Variants in ARHGAP12 observed in about 807,000 individuals in gnomAD.
ARHGAP12 encodes the protein rho GTPase-activating protein 12.
In ARHGAP12, 64 loss-of-function variants were observed where a neutral mutation model predicts 108.6. The observed-to-expected ratio is 0.59, with a 90% CI of 0.48 to 0.73. The LOEUF is 0.73. ARHGAP12 is among the 30% of genes least tolerant of loss of function. ARHGAP12 has a pLI of 0.00. For synonymous variants in ARHGAP12, 312 were observed against 337.2 expected (o/e 0.93, Z 0.82); for missense variants, 940 against 1,005.9 (o/e 0.93, Z 0.89).
chr10:31,832,920 T>C (rs1835885293), intron 9 of ARHGAP12, among the ~76,000 whole-genome samples: 1 of 152,188 alleles, frequency 6.6e-6, no homozygotes, highest in Admixed American at 6.5e-5. Flanking sequence ...ATAGCCCATA[T>C]GAAGTTTTAT....
intron 3 of ARHGAP12, among the ~76,000 whole-genome samples, chr10:31,889,715 C>A (rs534602327): frequency 6.9e-6 from 1 of 143,902 alleles, no homozygotes; most frequent in Non-Finnish European, 1.5e-5. Context: ...CAACCTTTGC[C>A]TCCTGGGTTC....
At chr10:31,826,194 G>C in intron 11 of ARHGAP12, 110 bp downstream of exon 11, 1 of 723,506 alleles carries the variant, frequency 1.4e-6, no homozygotes, top group Non-Finnish European at 2.2e-6. Context: ...ATTTTTATTT[G>C]CACACTAGCT....
chr10:31,814,226 A>C, intron 14 of ARHGAP12, 33 bp downstream of exon 14: 4 of 1,546,452 alleles, frequency 2.6e-6, no homozygotes, highest in Non-Finnish European at 3.6e-6. Context: ...AACAAGCACA[A>C]ATCCTTAGCA....
At chr10:31,811,864 T>C (rs1186678292) in intron 15 of ARHGAP12, among the ~76,000 whole-genome samples, 1 of 152,008 alleles carries the variant, frequency 6.6e-6, no homozygotes. Context: ...TCTCTCTATG[T>C]TACCCAATCT....
In ARHGAP12 at chr10:31,908,584, G is replaced by C; in HGVS notation, c.272C>G (p.Ser91Cys). Residue 91 changes from serine to cysteine, a missense_variant, in exon 3 of 20, where the codon TCC becomes TGC. Coordinates refer to ENST00000344936, the MANE Select transcript of ARHGAP12 (RefSeq NM_018287.7). ...ATGCAAACTCTGCATTATTTTCGTG[G>C]AGTTATTTGGCAGACCAGCTACCTG... ...VKQVAGLPNN[S>C]TKIMQSLHLQ... The C allele has an allele frequency of 6.2e-7, 1 of 1,614,076 alleles. No homozygotes were observed. The highest frequency in any genetic ancestry group is 8.5e-7 in the Non-Finnish European group (1 of 1,180,014).
At chr10:31,928,458 C>G (rs1219271569) in intron 1 of ARHGAP12, among the ~76,000 whole-genome samples, 1 of 150,770 alleles carries the variant, frequency 6.6e-6, no homozygotes, top group Non-Finnish European at 1.5e-5. Context: ...GCGCCGGCCC[C>G]CTCCCCCTCG....
intron 6 of ARHGAP12, 53 bp downstream of exon 6, chr10:31,852,464 A>G: frequency 3.1e-6 from 4 of 1,289,868 alleles, no homozygotes; most frequent in Non-Finnish European, 3.4e-6. Context: ...CCATCTCCAG[A>G]TATTACTTCA....
chr10:31,910,169 G>C (rs2132461792), intron 2 of ARHGAP12, among the ~76,000 whole-genome samples: 1 of 152,264 alleles, frequency 6.6e-6, no homozygotes, highest in Admixed American at 6.5e-5. Flanking sequence ...TGCTGTTTAA[G>C]CACTCCAGTT....
intron 13 of ARHGAP12, among the ~76,000 whole-genome samples, chr10:31,814,992 C>T (rs554119674): frequency 4.6e-5 from 7 of 151,574 alleles, no homozygotes; most frequent in Admixed American, 2.0e-4. Context: ...TGGTGGCACA[C>T]GCCTGTAGTC....
intron 3 of ARHGAP12, among the ~76,000 whole-genome samples, chr10:31,894,523 T>C (rs1388990747): frequency 6.6e-6 from 1 of 152,066 alleles, no homozygotes; most frequent in African/African-American, 2.4e-5. Flanking sequence ...ATAAAATACC[T>C]AGGAATCCAA....
rs139229744 is a variant in ARHGAP12, at chr10:31,915,015, T to C, written c.-110-4452A>G. Among the ~76,000 whole-genome samples the C allele has an allele frequency of 2.0e-5, 3 of 152,256 alleles. No homozygotes were observed. The East Asian group carries it at 5.8e-4, about 29-fold the overall frequency. On this transcript the variant is annotated intron_variant, in intron 1 of 19. Transcript: ENST00000344936. ...ATGAATGAACCCAGTGGACGTTACG[T>C]TGAATGAAATAAGCTAGGCACAGAA... is the stretch of plus-strand genomic sequence containing the variant.
chr10:31,901,053 C>T (rs1404909717), intron 3 of ARHGAP12, among the ~76,000 whole-genome samples: 1 of 151,254 alleles, frequency 6.6e-6, no homozygotes, highest in Admixed American at 6.6e-5. Context: ...CCCGTCTCTA[C>T]TAAAAATACA....
At position 31,890,484 on chromosome 10, in the gene ARHGAP12, C is replaced by T. The variant is rs374930611; in HGVS notation, c.684+17688G>A. On this transcript the variant is annotated intron_variant, in intron 3 of 19. Transcript: ENST00000344936. ...CTAAAAGAAGACTGAGCCCCTAAAT[C>T]GCCTAAGATTCCTAACTTTAGACAT... Among the ~76,000 whole-genome samples the T allele has an allele frequency of 2.1e-4, 32 of 152,254 alleles. No homozygotes were observed. The East Asian group carries it at 2.7e-3, about 13-fold the overall frequency.
chr10:31,826,406 G>A (rs745836106), intron 10 of ARHGAP12, 21 bp from the exon 11 acceptor site: 35 of 1,588,742 alleles, frequency 2.2e-5, no homozygotes, highest in Non-Finnish European at 2.3e-5. Flanking sequence ...AAAGATGACC[G>A]ATTAAAGCTC....
intron 11 of ARHGAP12, among the ~76,000 whole-genome samples, chr10:31,823,492 C>G (rs575690646): frequency 2.0e-5 from 3 of 149,052 alleles, no homozygotes; most frequent in Non-Finnish European, 4.4e-5. Flanking sequence ...AAAAAAAAAT[C>G]AATACGAACC....
At chr10:31,889,644 T>G (rs112866505) in intron 3 of ARHGAP12, among the ~76,000 whole-genome samples, 90 of 125,966 alleles carry the variant, frequency 7.1e-4, no homozygotes, top group African/African-American at 2.9e-3. Context: ...TTTTTTTTTT[T>G]GAGACAGGAT....
chr10:31,878,287 T>C (rs771650914), intron 3 of ARHGAP12, among the ~76,000 whole-genome samples: 1 of 152,206 alleles, frequency 6.6e-6, no homozygotes, highest in Non-Finnish European at 1.5e-5. Context: ...GTAATCATAA[T>C]ACAATCATAA....
At chr10:31,811,665 T>TTTTAATTTTATTTTA (rs1554773368) in intron 15 of ARHGAP12, among the ~76,000 whole-genome samples, 19 of 150,046 alleles carry the variant, frequency 1.3e-4, no homozygotes, top group African/African-American at 4.7e-4. Context: ...TTAAATACCT[T>TTTTAATTTTATTTTA]TTTTATTTTA....
At chr10:31,914,431 C>G (rs1442544070) in intron 1 of ARHGAP12, among the ~76,000 whole-genome samples, 5 of 150,568 alleles carry the variant, frequency 3.3e-5, no homozygotes, top group Non-Finnish European at 7.4e-5. Flanking sequence ...GATAAGGAAT[C>G]AAATAACTCA....
Sources: gnomAD v4.1 joint callset for allele counts (sites outside exome capture counted in the v4.1 genomes callset) on GRCh38, gnomAD v4.1.1 for gene constraint, MANE v1.5 for transcripts, NCBI Gene and HGNC (gene_info 2026-07-23, HGNC 2026-07-21) for gene names.